Variants in OXR1 observed in about 807,000 individuals in gnomAD.
OXR1 encodes the protein oxidation resistance protein 1.
A neutral mutation model predicts 104.6 loss-of-function variants in OXR1; 41 were observed. That is an observed-to-expected ratio of 0.39 (90% CI 0.31 to 0.51). OXR1 has a LOEUF of 0.51. OXR1 is among the 20% of genes least tolerant of loss of function. OXR1 has a pLI of 0.77. For synonymous variants in OXR1, 348 were observed against 348.4 expected, an observed-to-expected ratio of 1.00 and a Z score of 0.01; for missense variants, 955 against 1,031.9, an observed-to-expected ratio of 0.93 and a Z score of 1.02.
chr8:106,377,903 C>T (rs1273701835), intron 2 of OXR1, among the ~76,000 whole-genome samples: 2 of 152,150 alleles, frequency 1.3e-5, no homozygotes, highest in Non-Finnish European at 2.9e-5. Flanking sequence ...TAACTGAACA[C>T]AAAAATCAGA....
chr8:106,586,134 T>A (rs559759597), intron 3 of OXR1, among the ~76,000 whole-genome samples: 3 of 152,226 alleles, frequency 2.0e-5, no homozygotes, highest in African/African-American at 7.2e-5. Context: ...TGTTGGAACA[T>A]CAAGATTGGA....
intron 2 of OXR1, among the ~76,000 whole-genome samples, chr8:106,459,297 G>T (rs1300155269): frequency 1.3e-5 from 2 of 151,982 alleles, no homozygotes; most frequent in Admixed American, 1.3e-4. Context: ...GGGTAAGTTT[G>T]GCCCCCTTCC....
chr8:106,544,365 A>G (rs2130354119), intron 3 of OXR1, among the ~76,000 whole-genome samples: 1 of 152,268 alleles, frequency 6.6e-6, no homozygotes, highest in Admixed American at 6.5e-5. Context: ...TTTTTGTTAG[A>G]AAGTTTGATC....
At chr8:106,521,778 C>T (rs1813281683) in intron 3 of OXR1, among the ~76,000 whole-genome samples, 1 of 152,122 alleles carries the variant, frequency 6.6e-6, no homozygotes, top group Admixed American at 6.5e-5. Context: ...TCCCAAAGTG[C>T]TGGGGTTACA....
At chr8:106,322,228 G>A (rs548467882) in intron 1 of OXR1, among the ~76,000 whole-genome samples, 3 of 152,298 alleles carry the variant, frequency 2.0e-5, no homozygotes, top group African/African-American at 7.2e-5. Context: ...TCCCTGGGAT[G>A]CAAGGTTGGT....
At chr8:106,660,786 G>A (rs574866422) in intron 3 of OXR1, among the ~76,000 whole-genome samples, 21 of 152,308 alleles carry the variant, frequency 1.4e-4, no homozygotes, top group African/African-American at 5.1e-4. Flanking sequence ...GCCGAGACGG[G>A]CGGATCACCT....
rs1385073333 is a variant in OXR1 at position 106,299,904 on chromosome 8, CGTT to C, written c.-139+29540_-139+29542del. On this transcript the variant is annotated intron_variant, in intron 1 of 16. Coordinates refer to ENST00000517566, the MANE Select transcript of OXR1 (RefSeq NM_001198533.2). ...ACAGTTTTGTGGGAAGAGACGGACACGTTGTAGAAAATTTCACAGAGTGCTTGG... is the reference window on the plus strand; with the variant it reads ...ACAGTTTTGTGGGAAGAGACGGACACGTAGAAAATTTCACAGAGTGCTTGG... 2.6e-5 allele frequency among the ~76,000 whole-genome samples: 4 copies of C among 152,176 alleles called. No individual in the cohort carries two copies. The East Asian group carries it at 5.8e-4, about 22-fold the overall frequency.
intron 2 of OXR1, among the ~76,000 whole-genome samples, chr8:106,382,662 T>G (rs1273651539): frequency 6.9e-6 from 1 of 144,302 alleles, no homozygotes; most frequent in Non-Finnish European, 1.5e-5. Flanking sequence ...AAGTCTCCTA[T>G]CCAGGTCTGA....
chr8:106,303,395 C>T (rs1445268633), intron 1 of OXR1, among the ~76,000 whole-genome samples: 1 of 151,066 alleles, frequency 6.6e-6, no homozygotes, highest in Non-Finnish European at 1.5e-5. Flanking sequence ...CCCGCCACCA[C>T]GCCCGGCTAA....
intron 1 of OXR1, among the ~76,000 whole-genome samples, chr8:106,280,672 C>A (rs537919755): frequency 1.3e-5 from 2 of 151,956 alleles, no homozygotes; most frequent in African/African-American, 4.8e-5. Context: ...GGTTGCACAA[C>A]GGTTTGAAGG....
At chr8:106,439,231 C>T (rs930099536) in intron 2 of OXR1, among the ~76,000 whole-genome samples, 1 of 151,806 alleles carries the variant, frequency 6.6e-6, no homozygotes, top group Non-Finnish European at 1.5e-5. Context: ...AGTAAAGCCC[C>T]GGTGATGGGA....
chr8:106,745,512 G>C (rs1027114755), intron 15 of OXR1, among the ~76,000 whole-genome samples: 1 of 151,894 alleles, frequency 6.6e-6, no homozygotes, highest in South Asian at 2.1e-4. Flanking sequence ...CCAACTCTTG[G>C]TGTCTGTAGA....
intron 3 of OXR1, among the ~76,000 whole-genome samples, chr8:106,614,011 A>G (rs966211030): frequency 2.0e-5 from 3 of 152,206 alleles, no homozygotes; most frequent in African/African-American, 7.2e-5. Flanking sequence ...ATTTTGAGAA[A>G]TGTGTACACA....
chr8:106,398,600 A>C (rs1233003143), intron 2 of OXR1, among the ~76,000 whole-genome samples: 2 of 152,280 alleles, frequency 1.3e-5, no homozygotes, highest in South Asian at 2.1e-4. Flanking sequence ...TGTAAGGTTC[A>C]AGCACACAGG....
intron 3 of OXR1, among the ~76,000 whole-genome samples, chr8:106,666,540 T>G (rs1443962397): frequency 6.6e-6 from 1 of 152,218 alleles, no homozygotes; most frequent in East Asian, 1.9e-4. Context: ...CAATGAGATT[T>G]TGTAGTTGAG....
intron 2 of OXR1, among the ~76,000 whole-genome samples, chr8:106,515,867 C>T (rs1223510533): frequency 2.0e-5 from 3 of 152,056 alleles, no homozygotes; most frequent in Non-Finnish European, 2.9e-5. Context: ...GGTTACTACT[C>T]CTTGAAGGAC....
intron 3 of OXR1, among the ~76,000 whole-genome samples, chr8:106,666,383 T>C (rs1253901403): frequency 6.6e-6 from 1 of 152,226 alleles, no homozygotes; most frequent in Non-Finnish European, 1.5e-5. Flanking sequence ...AGGAACTGGA[T>C]TGAGAAAATT....
In OXR1 at chr8:106,679,224, A is replaced by G; in HGVS notation, c.235A>G (p.Lys79Glu). The G allele has an allele frequency of 6.2e-7, 1 of 1,608,770 alleles. No individual in the cohort carries two copies. Among genetic ancestry groups the G allele is most frequent in the Non-Finnish European group, 8.5e-7 (1 of 1,176,020 alleles). Residue 79 changes from lysine (K) to glutamate (E), a missense_variant, in exon 4 of 17, where the codon AAG becomes GAG. By Grantham distance (56) the Lys-to-Glu change is moderately conservative (BLOSUM62 1). Around this residue, in one of 2 missense-constraint regions of OXR1, gnomAD observed 849 missense variants for 852.9 expected, o/e 1.00. Coordinates refer to ENST00000517566, the MANE Select transcript of OXR1 (RefSeq NM_001198533.2). ...RFYTIDTGQKKTLDKKDGRRM... is the reference protein window; with the variant it reads ...RFYTIDTGQKETLDKKDGRRM... ...TTTTTTCCCAGACACTGGCCAAAAGAAGACCCTAGACAAGAAAGATGGAAG... is the reference window on the plus strand; with the variant it reads ...TTTTTTCCCAGACACTGGCCAAAAGGAGACCCTAGACAAGAAAGATGGAAG...
chr8:106,384,887 A>C (rs1017732499), intron 2 of OXR1, among the ~76,000 whole-genome samples: 1 of 151,298 alleles, frequency 6.6e-6, no homozygotes, highest in Admixed American at 6.6e-5. Context: ...GCTAATTTTC[A>C]TATTGTTAGT....
Sources: allele counts gnomAD v4.1 joint callset (sites outside exome capture counted in the v4.1 genomes callset), GRCh38; gene constraint gnomAD v4.1.1; regional missense constraint gnomAD v4.1.1; transcripts MANE v1.5; gene names NCBI Gene and HGNC (gene_info 2026-07-23, HGNC 2026-07-21).